The following CDK14 variants were observed in gnomAD, a reference collection of about 807,000 sequenced individuals.
CDK14 encodes the protein cyclin-dependent kinase 14.
A neutral mutation model predicts 60.7 loss-of-function variants in CDK14; 34 were observed. That is an observed-to-expected ratio of 0.56 (90% CI 0.43 to 0.75). The LOEUF (loss-of-function observed/expected upper bound fraction) is 0.75, where lower values mean the gene tolerates loss of function less well. CDK14 is among the 30% of genes least tolerant of loss of function. CDK14 has a pLI of 0.00. For synonymous variants in CDK14, 197 were observed against 203.7 expected (o/e 0.97, Z 0.28); for missense variants, 482 against 564.1 (o/e 0.85, Z 1.47).
At chr7:90,875,465 C>A (rs573794569) in intron 6 of CDK14, among the ~76,000 whole-genome samples, 2 of 152,144 alleles carry the variant, frequency 1.3e-5, no homozygotes, top group Non-Finnish European at 2.9e-5. Context: ...ATTTTACAAT[C>A]CAACCAGCAG....
chr7:90,863,751 C>T (rs1791087883), intron 6 of CDK14, among the ~76,000 whole-genome samples: 1 of 150,084 alleles, frequency 6.7e-6, no homozygotes, highest in Non-Finnish European at 1.5e-5. Context: ...AAAGTTTTCC[C>T]CCTCACTTGG....
chr7:90,711,725 C>T (rs548382382), intron 2 of CDK14, among the ~76,000 whole-genome samples: 13 of 152,122 alleles, frequency 8.5e-5, no homozygotes, highest in Admixed American at 2.6e-4. Flanking sequence ...CCCTGGAATA[C>T]GCCCCATTAT....
chr7:91,103,465 T>C (rs1170678276), intron 12 of CDK14, among the ~76,000 whole-genome samples: 1 of 152,150 alleles, frequency 6.6e-6, no homozygotes, highest in Non-Finnish European at 1.5e-5. Flanking sequence ...TTAGGTTAGA[T>C]TTTGAAAAAG....
chr7:90,781,981 G>A (rs555572631), intron 4 of CDK14, among the ~76,000 whole-genome samples: 2 of 152,224 alleles, frequency 1.3e-5, no homozygotes, highest in African/African-American at 4.8e-5. Context: ...GATGGGAATG[G>A]TATTGAATCT....
intron 6 of CDK14, among the ~76,000 whole-genome samples, chr7:90,874,841 A>C (rs1791505853): frequency 6.6e-6 from 1 of 152,012 alleles, no homozygotes; most frequent in South Asian, 2.1e-4. Flanking sequence ...TCCTTTTTTT[A>C]ATGTGTGTAA....
chr7:91,048,118 G>A (rs1400319531), intron 11 of CDK14, among the ~76,000 whole-genome samples: 1 of 152,006 alleles, frequency 6.6e-6, no homozygotes, highest in African/African-American at 2.4e-5. Context: ...CAAGCAATAG[G>A]AACAAGGAGC....
intron 14 of CDK14, among the ~76,000 whole-genome samples, chr7:91,159,949 A>ATATAC (rs2115736851): frequency 6.6e-6 from 1 of 152,256 alleles, no homozygotes; most frequent in Non-Finnish European, 1.5e-5. Context: ...CTTCTTAACA[A>ATATAC]TATACTACCT....
intron 8 of CDK14, among the ~76,000 whole-genome samples, chr7:90,927,897 C>T (rs148636463): frequency 8.5e-5 from 13 of 152,136 alleles, no homozygotes; most frequent in South Asian, 2.1e-4. Context: ...TATTTCTTGG[C>T]GGCTTTGTTC....
At chr7:91,143,881 T>C (rs803172) in intron 14 of CDK14, among the ~76,000 whole-genome samples, 59,399 of 152,034 alleles carry the variant, frequency 0.39, 12,435 homozygotes, top group East Asian at 0.86. Flanking sequence ...AGACCTGAGC[T>C]GTTCCTTCAT....
intron 6 of CDK14, among the ~76,000 whole-genome samples, chr7:90,882,813 G>GA: frequency 6.6e-6 from 1 of 152,256 alleles, no homozygotes; most frequent in East Asian, 1.9e-4. Context: ...CAATTTCCTG[G>GA]AAGTTGAACA....
At chr7:91,107,250 G>T (rs1225237329) in intron 12 of CDK14, 1 of 152,114 alleles carries the variant, frequency 6.6e-6, no homozygotes, top group Non-Finnish European at 1.5e-5. Context: ...CATCATTTCT[G>T]TATGCTTTAT....
At chr7:90,879,903 T>G (rs566289323) in intron 6 of CDK14, among the ~76,000 whole-genome samples, 1 of 151,242 alleles carries the variant, frequency 6.6e-6, no homozygotes, top group East Asian at 2.0e-4. Context: ...GAAGGGAGAC[T>G]GTGAGTGGTG....
intron 11 of CDK14, among the ~76,000 whole-genome samples, chr7:91,079,156 C>T (rs137874440): frequency 2.0e-5 from 3 of 152,208 alleles, no homozygotes; most frequent in Non-Finnish European, 4.4e-5. Flanking sequence ...TTTTTCAACT[C>T]AATTAAAACT....
At chr7:90,931,794 G>A (rs1243351815) in intron 8 of CDK14, among the ~76,000 whole-genome samples, 1 of 152,108 alleles carries the variant, frequency 6.6e-6, no homozygotes, top group Non-Finnish European at 1.5e-5. Context: ...GTGTGTGTGT[G>A]TGTGTGTTTT....
chr7:90,782,095 A>T (rs1438026285), intron 4 of CDK14, among the ~76,000 whole-genome samples: 1 of 151,976 alleles, frequency 6.6e-6, no homozygotes, highest in African/African-American at 2.4e-5. Context: ...TATTTCATTG[A>T]GCAGTGGTTT....
At chr7:90,870,164 C>T (rs1408834999) in intron 6 of CDK14, among the ~76,000 whole-genome samples, 5 of 152,172 alleles carry the variant, frequency 3.3e-5, no homozygotes, top group African/African-American at 4.8e-5. Flanking sequence ...ACTATGCAGT[C>T]ATAACAAAGA....
intron 8 of CDK14, among the ~76,000 whole-genome samples, chr7:90,931,763 A>C (rs1401956969): frequency 6.9e-6 from 1 of 144,066 alleles, no homozygotes. Flanking sequence ...TTCAAATGAA[A>C]CTTTCATCTT....
chr7:90,808,936 A>T (rs1788976342), intron 5 of CDK14, among the ~76,000 whole-genome samples: 2 of 152,200 alleles, frequency 1.3e-5, no homozygotes, highest in Admixed American at 6.5e-5. Context: ...CTAAATATAT[A>T]TGCACCCAAT....
At chr7:90,955,982 C>T (rs907071945) in intron 9 of CDK14, among the ~76,000 whole-genome samples, 165 bp downstream of exon 9, 2 of 152,200 alleles carry the variant, frequency 1.3e-5, no homozygotes, top group Non-Finnish European at 1.5e-5. Flanking sequence ...GGAATGTTCT[C>T]TAATTAGAGT....
Sources: gnomAD v4.1 joint callset for allele counts (sites outside exome capture counted in the v4.1 genomes callset) on GRCh38, gnomAD v4.1.1 for gene constraint, MANE v1.5 for transcripts, NCBI Gene and HGNC (gene_info 2026-07-23, HGNC 2026-07-21) for gene names.